Variants in ZNF804B observed in about 807,000 individuals in gnomAD.
ZNF804B encodes the protein zinc finger protein 804B, also known as zinc finger 804B.
ZNF804B carries 80 observed loss-of-function variants against 101.4 expected under a neutral mutation model. That is an observed-to-expected ratio of 0.79 (90% CI 0.66 to 0.95). The LOEUF (loss-of-function observed/expected upper bound fraction) is 0.95. Ranked by LOEUF, ZNF804B falls within the 40% of genes least tolerant of loss-of-function variation. The pLI, the probability that ZNF804B is intolerant of heterozygous loss-of-function variation, is 0.00. For synonymous variants in ZNF804B, 622 were observed against 558.8 expected (o/e 1.11, Z -1.59); for missense variants, 1,673 against 1,561.9 (o/e 1.07, Z -1.20).
At chr7:89,318,007 GT>G (rs1330840150) in intron 2 of ZNF804B, among the ~76,000 whole-genome samples, 1 of 152,120 alleles carries the variant, frequency 6.6e-6, no homozygotes, top group East Asian at 1.9e-4. Context: ...ATCAGCAACA[GT>G]TTAAAAAGCC....
intron 1 of ZNF804B, among the ~76,000 whole-genome samples, chr7:88,858,865 A>G (rs1450243133): frequency 6.6e-6 from 1 of 152,050 alleles, no homozygotes; most frequent in Non-Finnish European, 1.5e-5. Context: ...ATATTTTCTG[A>G]CTTTTTGTTT....
intron 1 of ZNF804B, among the ~76,000 whole-genome samples, chr7:88,836,996 G>A (rs1791223107): frequency 6.6e-6 from 1 of 151,742 alleles, no homozygotes; most frequent in Non-Finnish European, 1.5e-5. Flanking sequence ...GTTCTTCTTT[G>A]CCACAAGCCA....
chr7:89,288,793 A>G (rs1790243179), intron 2 of ZNF804B, among the ~76,000 whole-genome samples: 1 of 152,250 alleles, frequency 6.6e-6, no homozygotes, highest in African/African-American at 2.4e-5. Flanking sequence ...TAGATGCATG[A>G]ACATGTAGAA....
chr7:88,875,812 A>G (rs1053851099), intron 1 of ZNF804B, among the ~76,000 whole-genome samples: 5 of 152,230 alleles, frequency 3.3e-5, no homozygotes, highest in Non-Finnish European at 7.3e-5. Context: ...TCATTTTATG[A>G]GGCCAGCATC....
chr7:88,868,066 TG>T (rs1791761767), intron 1 of ZNF804B, among the ~76,000 whole-genome samples: 1 of 151,724 alleles, frequency 6.6e-6, no homozygotes, highest in South Asian at 2.1e-4. Flanking sequence ...TGTGTGTGTG[TG>T]TGTGTGTGTG....
intron 1 of ZNF804B, among the ~76,000 whole-genome samples, chr7:89,212,838 A>G (rs34678179): frequency 0.12 from 18,558 of 152,080 alleles, 1,213 homozygotes; most frequent in Middle Eastern, 0.25. Flanking sequence ...CTAGTTCACA[A>G]TTATCCTTAT....
At chr7:89,038,821 A>C (rs933353793) in intron 1 of ZNF804B, among the ~76,000 whole-genome samples, 1 of 151,920 alleles carries the variant, frequency 6.6e-6, no homozygotes, top group Non-Finnish European at 1.5e-5. Context: ...ATCCTTTTTC[A>C]GTTGATTTTT....
At chr7:88,868,048 A>AGAGT (rs1199666882) in intron 1 of ZNF804B, among the ~76,000 whole-genome samples, 2 of 142,652 alleles carry the variant, frequency 1.4e-5, no homozygotes, top group African/African-American at 5.1e-5. Context: ...TGTGTGTGTG[A>AGAGT]GTGTGTGTGT....
At chr7:89,247,248 G>T (rs1789463349) in intron 2 of ZNF804B, among the ~76,000 whole-genome samples, 1 of 152,184 alleles carries the variant, frequency 6.6e-6, no homozygotes, top group African/African-American at 2.4e-5. Flanking sequence ...GCCTGGTCTA[G>T]CCTTGTTTAT....
intron 1 of ZNF804B, among the ~76,000 whole-genome samples, chr7:89,014,095 G>A (rs928856734): frequency 7.2e-5 from 11 of 151,998 alleles, no homozygotes; most frequent in Admixed American, 3.3e-4. Flanking sequence ...GAATCATATG[G>A]TAGTTCTATT....
At chr7:89,325,785 A>C (rs1399712987) in intron 2 of ZNF804B, among the ~76,000 whole-genome samples, 2 of 151,998 alleles carry the variant, frequency 1.3e-5, no homozygotes, top group Non-Finnish European at 2.9e-5. Context: ...CAGTACTAAC[A>C]GAGTATTAAA....
At chr7:89,018,428 G>T (rs970033720) in intron 1 of ZNF804B, among the ~76,000 whole-genome samples, 2 of 151,792 alleles carry the variant, frequency 1.3e-5, no homozygotes, top group Admixed American at 6.6e-5. Context: ...ATTTTGTTGA[G>T]GATTGCATCC....
intron 1 of ZNF804B, among the ~76,000 whole-genome samples, chr7:88,944,248 G>A (rs931025374): frequency 1.6e-4 from 24 of 151,702 alleles, no homozygotes; most frequent in Admixed American, 7.9e-4. Context: ...ATTCCATATC[G>A]TTGTTAGGAC....
At chr7:88,898,994 C>A (rs1437578657) in intron 1 of ZNF804B, among the ~76,000 whole-genome samples, 1 of 152,152 alleles carries the variant, frequency 6.6e-6, no homozygotes, top group Non-Finnish European at 1.5e-5. Flanking sequence ...CCCTTAAGTT[C>A]CAGTTCTGAG....
chr7:89,276,991 A>C (rs988614987), intron 2 of ZNF804B, among the ~76,000 whole-genome samples: 9 of 151,450 alleles, frequency 5.9e-5, no homozygotes, highest in Non-Finnish European at 1.2e-4. Flanking sequence ...ATAGGTGTAC[A>C]TCTGGAATTT....
chr7:88,897,434 A>G (rs1227666000), intron 1 of ZNF804B, among the ~76,000 whole-genome samples: 1 of 152,182 alleles, frequency 6.6e-6, no homozygotes, highest in African/African-American at 2.4e-5. Context: ...ATTCTCTCCT[A>G]AAGTCTCCAG....
intron 2 of ZNF804B, among the ~76,000 whole-genome samples, chr7:89,243,195 T>G (rs1789395187): frequency 6.6e-6 from 1 of 151,758 alleles, no homozygotes; most frequent in Non-Finnish European, 1.5e-5. Context: ...AAAATGGCCT[T>G]TATGAGTAAA....
chr7:88,794,778 C>A (rs756433187), intron 1 of ZNF804B: 1 of 1,613,572 alleles, frequency 6.2e-7, no homozygotes, highest in African/African-American at 1.3e-5. Context: ...TTGCTTGTAT[C>A]TTGGCCACTA....
intron 2 of ZNF804B, among the ~76,000 whole-genome samples, chr7:89,297,051 C>T (rs1032185956): frequency 1.3e-5 from 2 of 151,906 alleles, no homozygotes; most frequent in African/African-American, 4.8e-5. Context: ...TTAACATAGC[C>T]CCTCAGCTGT....
Sources: allele counts gnomAD v4.1 joint callset (sites outside exome capture counted in the v4.1 genomes callset), GRCh38; gene constraint gnomAD v4.1.1; transcripts MANE v1.5; gene names NCBI Gene and HGNC (gene_info 2026-07-23, HGNC 2026-07-21).